Variants in INSL6 observed in about 807,000 individuals in gnomAD.
INSL6 encodes the protein insulin-like peptide INSL6.
INSL6 carries 16 observed loss-of-function variants against 9.4 expected under a neutral mutation model. The ratio of observed to expected loss-of-function variants is 1.70; its 90% confidence interval spans 1.15 to 2.59. The LOEUF (loss-of-function observed/expected upper bound fraction) is 2.59. INSL6 is among the 30% of genes most tolerant of loss of function. INSL6 has a pLI of 0.00. For synonymous variants in INSL6, 154 were observed against 96.9 expected, an observed-to-expected ratio of 1.59 and a Z score of -3.46; for missense variants, 391 against 257.3, an observed-to-expected ratio of 1.52 and a Z score of -3.56.
At chr9:5,135,482 C>T (rs976451412) in intron 2 of INSL6, among the ~76,000 whole-genome samples, 5 of 152,176 alleles carry the variant, frequency 3.3e-5, no homozygotes, top group Non-Finnish European at 7.4e-5. Context: ...CAAAACCACA[C>T]AACTACATGG....
chr9:5,003,865 T>G, the INSL6 span, among the ~76,000 whole-genome samples: 2 of 152,054 alleles, frequency 1.3e-5, no homozygotes, highest in Non-Finnish European at 2.9e-5. Context: ...TGAGGAAGTT[T>G]GCTTTTATTC....
At chr9:5,166,026 A>T (rs1012885342) in intron 1 of INSL6, among the ~76,000 whole-genome samples, 21 of 152,216 alleles carry the variant, frequency 1.4e-4, no homozygotes, top group African/African-American at 5.1e-4. Context: ...GAAAAACATG[A>T]ATCGACCCAA....
the INSL6 span, among the ~76,000 whole-genome samples, chr9:5,007,407 T>C: frequency 1.3e-5 from 2 of 152,158 alleles, no homozygotes; most frequent in African/African-American, 4.8e-5. Context: ...TATGCTGTGG[T>C]ACTTTTGTCA....
At chr9:5,159,982 C>G (rs1033450274), downstream of INSL6, among the ~76,000 whole-genome samples, 1 of 152,100 alleles carries the variant, frequency 6.6e-6, no homozygotes, top group Non-Finnish European at 1.5e-5. Flanking sequence ...TGAGACCAAC[C>G]TGGCCAACAT....
At chr9:5,080,375 C>CA in the INSL6 span, 1 of 1,611,472 alleles carries the variant, frequency 6.2e-7, no homozygotes, top group Non-Finnish European at 8.5e-7. Context: ...TCTGGATTCT[C>CA]AAAGAGTAAG....
chr9:5,054,411 G>A, the INSL6 span: 5 of 594,574 alleles, frequency 8.4e-6, no homozygotes, highest in Non-Finnish European at 1.5e-5. The surrounding 1 kb of genome is among the most constrained non-coding windows in gnomAD (Gnocchi z 4.9). Flanking sequence ...ATACTGTATG[G>A]ATGGGGGTTA....
the INSL6 span, among the ~76,000 whole-genome samples, chr9:5,035,712 G>T: frequency 2.6e-5 from 4 of 152,132 alleles, no homozygotes; most frequent in Non-Finnish European, 4.4e-5. Context: ...AATAAATTAG[G>T]TATTGATGGG....
chr9:5,176,260 C>T (rs1270608028), intron 1 of INSL6, among the ~76,000 whole-genome samples: 1 of 152,200 alleles, frequency 6.6e-6, no homozygotes, highest in African/African-American at 2.4e-5. Flanking sequence ...TTAAATCTCA[C>T]CTTTTCAATA....
chr9:5,019,599 C>T, the INSL6 span, among the ~76,000 whole-genome samples: 1 of 152,140 alleles, frequency 6.6e-6, no homozygotes, highest in Non-Finnish European at 1.5e-5. Flanking sequence ...TCATATTTCC[C>T]TATGTTCCCA....
At chr9:5,144,310 C>G (rs968912180) in intron 2 of INSL6, among the ~76,000 whole-genome samples, 4 of 152,146 alleles carry the variant, frequency 2.6e-5, no homozygotes, top group African/African-American at 9.7e-5. Flanking sequence ...AATTGTATGG[C>G]TTTGAGTGAA....
intron 2 of INSL6, among the ~76,000 whole-genome samples, chr9:5,148,293 T>G (rs1389708978): frequency 2.0e-5 from 3 of 152,142 alleles, no homozygotes; most frequent in Non-Finnish European, 4.4e-5. Flanking sequence ...AGAGGAGAAT[T>G]AATGATTTTT....
the INSL6 span, among the ~76,000 whole-genome samples, chr9:5,003,210 G>GT: frequency 6.3e-3 from 961 of 151,904 alleles, 16 homozygotes; most frequent in African/African-American, 0.022. Context: ...TAAATCCTTT[G>GT]TTTTTCACAG....
chr9:5,000,323 A>G, the INSL6 span, among the ~76,000 whole-genome samples: 1 of 152,198 alleles, frequency 6.6e-6, no homozygotes, highest in Non-Finnish European at 1.5e-5. Context: ...AAAACATACC[A>G]AGGAAATAGT....
At chr9:5,183,823 AGT>A (rs1243665873) in intron 1 of INSL6, among the ~76,000 whole-genome samples, 1 of 152,196 alleles carries the variant, frequency 6.6e-6, no homozygotes, top group Non-Finnish European at 1.5e-5. Context: ...GTTACTCAAA[AGT>A]GTGGGCCACG....
At chr9:5,182,667 T>C (rs540822884) in intron 1 of INSL6, among the ~76,000 whole-genome samples, 1 of 152,106 alleles carries the variant, frequency 6.6e-6, no homozygotes, top group Admixed American at 6.5e-5. Flanking sequence ...AACAAGAATA[T>C]GTGACATGAA....
intron 3 of INSL6, among the ~76,000 whole-genome samples, chr9:5,128,851 A>G (rs1824170280): frequency 6.6e-6 from 1 of 152,038 alleles, no homozygotes; most frequent in African/African-American, 2.4e-5. Context: ...TAATGCCAAA[A>G]TATTTTTCAC....
chr9:5,095,822 T>C, the INSL6 span, among the ~76,000 whole-genome samples: 1 of 152,184 alleles, frequency 6.6e-6, no homozygotes, highest in African/African-American at 2.4e-5. Context: ...AATCCAAACG[T>C]TACCATTATA....
intron 1 of INSL6, among the ~76,000 whole-genome samples, chr9:5,174,974 C>A (rs1825264463): frequency 6.7e-6 from 1 of 150,308 alleles, no homozygotes. Flanking sequence ...GAGTCTCGCT[C>A]TGGCGCCCAG....
downstream of INSL6, among the ~76,000 whole-genome samples, chr9:5,159,768 G>C (rs1170973363): frequency 6.6e-6 from 1 of 152,146 alleles, no homozygotes; most frequent in African/African-American, 2.4e-5. Context: ...AGAAACATTG[G>C]ACTTAATCTG....
Sources: allele counts gnomAD v4.1 joint callset (sites outside exome capture counted in the v4.1 genomes callset), GRCh38; gene constraint gnomAD v4.1.1; non-coding constraint Gnocchi (gnomAD v3.1); transcripts MANE v1.5; gene names NCBI Gene and HGNC (gene_info 2026-07-23, HGNC 2026-07-21).